The following DSC1 variants were observed in gnomAD, a reference collection of about 807,000 sequenced individuals.
DSC1 encodes desmocollin-1.
In DSC1, 79 loss-of-function variants were observed where a neutral mutation model predicts 98.8. That is an observed-to-expected ratio of 0.80 (90% CI 0.67 to 0.96). The LOEUF (loss-of-function observed/expected upper bound fraction) is 0.96. Ranked by LOEUF, DSC1 falls within the 50% of genes least tolerant of loss-of-function variation. The pLI, the probability that DSC1 is intolerant of heterozygous loss-of-function variation, is 0.00. For synonymous variants in DSC1, 405 were observed against 372.1 expected (o/e 1.09, Z -1.02); for missense variants, 1,115 against 1,075.9 (o/e 1.04, Z -0.51).
At chr18:31,147,854 T>C (rs2144942367) in intron 6 of DSC1, among the ~76,000 whole-genome samples, 1 of 152,320 alleles carries the variant, frequency 6.6e-6, no homozygotes, top group South Asian at 2.1e-4. Context: ...TCCTGTATGT[T>C]TGATTACATC....
At chr18:31,148,045 C>T (rs749408011) in intron 6 of DSC1, among the ~76,000 whole-genome samples, 6 of 152,012 alleles carry the variant, frequency 3.9e-5, no homozygotes, top group South Asian at 2.1e-4. Context: ...GTGTAAATCC[C>T]CTGTAATATT....
chr18:31,162,637 G>T lies in DSC1; in HGVS notation c.-43C>A, dbSNP rs756313242. On this transcript the variant is annotated 5_prime_UTR_variant, in exon 1 of 16. Transcript: ENST00000257198. ...GCCAGGGACGGTGGCCAGATAACAG[G>T]GCAGCCTGGGATGCACAGAGCGGCT... 1 of 1,588,374 alleles carries T rather than the reference G, an allele frequency of 6.3e-7. No individual in the cohort carries two copies. The highest frequency in any genetic ancestry group is 2.2e-5 in the East Asian group (1 of 44,720).
intron 1 of DSC1, among the ~76,000 whole-genome samples, chr18:31,161,300 A>G (rs577193154): frequency 1.4e-4 from 21 of 152,218 alleles, no homozygotes; most frequent in African/African-American, 4.6e-4. Context: ...TATGTAGTCC[A>G]TCATTGACTG....
intron 14 of DSC1, 62 bp downstream of exon 14, chr18:31,132,506 G>C: frequency 6.3e-7 from 1 of 1,584,676 alleles, no homozygotes; most frequent in Admixed American, 1.7e-5. Context: ...TGACATTGTT[G>C]AGTAATAATC....
chr18:31,140,002 T>C (rs769196349), intron 10 of DSC1, 40 bp downstream of exon 10: 3 of 1,579,144 alleles, frequency 1.9e-6, no homozygotes, highest in Non-Finnish European at 2.6e-6. Context: ...ACAATTTACA[T>C]CACAATTAAA....
In DSC1 at chr18:31,143,710, T is replaced by A. The variant is rs761141284; in HGVS notation, c.1021A>T (p.Thr341Ser). ...PFGLFNTGTI[T>S]ISLEDENDNP... ...TCATTTTCATCCTCAAGTGAAATAG[T>A]AATTGTTCCTGTATTAAATAAACCG... The change falls in exon 8 of 16, where the codon ACT becomes TCT. Residue 341 changes from threonine (T) to serine (S), a missense_variant. Thr to Ser is a moderately conservative substitution (Grantham distance 58, BLOSUM62 1). Coordinates refer to ENST00000257198, the MANE Select transcript of DSC1 (RefSeq NM_024421.2). The A allele has an allele frequency of 2.5e-6, 4 of 1,599,656 alleles. No homozygotes were observed. The highest frequency in any genetic ancestry group is 3.4e-6 in the Non-Finnish European group (4 of 1,172,254).
At chr18:31,160,992 G>A (rs568879948) in intron 1 of DSC1, among the ~76,000 whole-genome samples, 1 of 152,166 alleles carries the variant, frequency 6.6e-6, no homozygotes, top group Admixed American at 6.5e-5. Flanking sequence ...CATACACTTA[G>A]AGGATATAGT....
intron 7 of DSC1, among the ~76,000 whole-genome samples, chr18:31,145,224 G>C (rs1011171205): frequency 1.3e-5 from 2 of 152,140 alleles, no homozygotes. Context: ...TTACAGGCGT[G>C]AGCCACCGCG....
At position 31,130,454 on chromosome 18, in the gene DSC1, T is replaced by C; in HGVS notation, c.*60A>G. On this transcript the variant is annotated 3_prime_UTR_variant, in exon 16 of 16. Transcript: ENST00000257198. ...AAACATTAGCAGATGCTGCTAACAT[T>C]CTGCAAGTAATAAATTCCTACTTAT... is the stretch of plus-strand genomic sequence containing the variant. 5.7e-6 allele frequency: 9 copies of C among 1,586,922 alleles called. No homozygotes were observed. The highest frequency in any genetic ancestry group is 1.1e-5 in the South Asian group (1 of 89,224).
chr18:31,144,404 A>C lies in DSC1; in HGVS notation c.940-613T>G, dbSNP rs78796486. ...GGTAAATAAACTGGTACATCCAGACAATGAAATATTATTCAGTGCTAAAAA... is the reference window on the plus strand; with the variant it reads ...GGTAAATAAACTGGTACATCCAGACCATGAAATATTATTCAGTGCTAAAAA... On this transcript the variant is annotated intron_variant, in intron 7 of 15. Coordinates refer to ENST00000257198, the MANE Select transcript of DSC1 (RefSeq NM_024421.2). 5.4e-3 allele frequency among the ~76,000 whole-genome samples: 824 copies of C among 152,346 alleles called. 6 individuals carry two copies. Among genetic ancestry groups the C allele is most frequent in the African/African-American group, 0.019 (786 of 41,586 alleles).
rs748256329 is a variant in DSC1, at chr18:31,143,641, A to G, written c.1074+16T>C. On this transcript the variant is annotated intron_variant, in intron 8 of 15. Coordinates refer to ENST00000257198, the MANE Select transcript of DSC1 (RefSeq NM_024421.2). ...AGTAGATAAATCTAGATGAATGAAT[A>G]GAGAGGTATACTCACAGAAGTTTCT... The G allele has an allele frequency of 6.5e-7, 1 of 1,528,620 alleles. No homozygotes were observed. The highest frequency in any genetic ancestry group is 2.1e-5 in the Admixed American group (1 of 47,354). 94.7% of individuals were successfully genotyped at this position (1,528,620 alleles called of 1,614,324 possible).
chr18:31,148,729 T>A, intron 5 of DSC1, 87 bp from the exon 6 acceptor site: 2 of 1,292,316 alleles, frequency 1.5e-6, no homozygotes, highest in African/African-American at 1.6e-5. Flanking sequence ...AAATGTAACA[T>A]TAAAAAAAAA....
At position 31,146,173 on chromosome 18, in the gene DSC1, T is replaced by C. The variant is rs546092690; in HGVS notation, c.773-396A>G. On this transcript the variant is annotated intron_variant, in intron 6 of 15. Coordinates refer to ENST00000257198, the MANE Select transcript of DSC1 (RefSeq NM_024421.2). ...GCGATACCGAGGTTTGGGCTTCTAA[T>C]GATCCCACCACCCCCGTAGTGAATG... is the stretch of plus-strand genomic sequence containing the variant. Among the ~76,000 whole-genome samples the C allele has an allele frequency of 5.9e-5, 9 of 152,286 alleles. No homozygotes were observed. In the East Asian group the frequency reaches 1.4e-3, roughly 23 times the overall value.
intron 6 of DSC1, among the ~76,000 whole-genome samples, chr18:31,146,122 G>A (rs1056658538): frequency 2.6e-5 from 4 of 152,134 alleles, no homozygotes; most frequent in African/African-American, 9.7e-5. Context: ...GGGTACACAT[G>A]CGGGTTTGTT....
chr18:31,132,828 A>G, intron 13 of DSC1, 139 bp from the exon 14 acceptor site: 1 of 725,184 alleles, frequency 1.4e-6, no homozygotes, highest in Non-Finnish European at 2.1e-6. Flanking sequence ...TAAAAACAGA[A>G]TATTTTAAAA....
intron 8 of DSC1, among the ~76,000 whole-genome samples, chr18:31,143,296 C>T (rs907202103): frequency 6.6e-6 from 1 of 150,838 alleles, no homozygotes; most frequent in African/African-American, 2.4e-5. Flanking sequence ...ATGTAAAGGA[C>T]ACCAGAGAGA....
At chr18:31,150,348 C>T (rs368487768) in intron 5 of DSC1, among the ~76,000 whole-genome samples, 9 of 8,252 alleles carry the variant, frequency 1.1e-3, no homozygotes, top group African/African-American at 9.1e-4. Context: ...ACCATCACCA[C>T]CACCACCACC....
At chr18:31,151,756 G>T (rs1309639439) in intron 5 of DSC1, among the ~76,000 whole-genome samples, 1 of 152,176 alleles carries the variant, frequency 6.6e-6, no homozygotes, top group African/African-American at 2.4e-5. Flanking sequence ...TTCAGTAGAT[G>T]GGGCAGAGAA....
chr18:31,153,354 A>C (rs1273004674), intron 5 of DSC1, among the ~76,000 whole-genome samples: 1 of 152,132 alleles, frequency 6.6e-6, no homozygotes, highest in Non-Finnish European at 1.5e-5. Flanking sequence ...TCAATTATTT[A>C]TTTGTTTATG....
Sources: allele counts gnomAD v4.1 joint callset (sites outside exome capture counted in the v4.1 genomes callset), GRCh38; gene constraint gnomAD v4.1.1; transcripts MANE v1.5; gene names NCBI Gene and HGNC (gene_info 2026-07-23, HGNC 2026-07-21).